Variants in SMARCB1 observed in about 807,000 individuals in gnomAD.
SMARCB1 encodes SWI/SNF related BAF chromatin remodeling complex subunit B1, also known as SWI/SNF-related matrix-associated actin-dependent regulator of chromatin subfamily B member 1.
Under a neutral mutation model 49.0 loss-of-function variants are expected in SMARCB1, and 5 were observed. The observed-to-expected ratio is 0.10, with a 90% CI of 0.05 to 0.21. SMARCB1 has a LOEUF of 0.21. SMARCB1 is among the 10% of genes least tolerant of loss of function. SMARCB1 has a pLI of 1.00. For synonymous variants in SMARCB1, 201 were observed against 200.1 expected (o/e 1.00, Z -0.04); for missense variants, 226 against 509.2 (o/e 0.44, Z 5.35).
intron 2 of SMARCB1, chr22:23,792,350 T>C: frequency 6.0e-6 from 2 of 334,960 alleles, no homozygotes; most frequent in Non-Finnish European, 1.2e-5. Context: ...GCCAGTGTGC[T>C]AGAGCCCATG....
chr22:23,787,355 C>A, intron 1 of SMARCB1, 93 bp downstream of exon 1: 4 of 585,858 alleles, frequency 6.8e-6, no homozygotes, highest in Non-Finnish European at 7.8e-6. Flanking sequence ...CTCCATTCAT[C>A]GGGGCGGGCG....
chr22:23,808,046 C>T (rs1417428992), intron 5 of SMARCB1, among the ~76,000 whole-genome samples: 4 of 151,168 alleles, frequency 2.6e-5, no homozygotes, highest in Admixed American at 6.6e-5. Context: ...AGCTCCGCCT[C>T]CCGGGTTCAT....
intron 8 of SMARCB1, among the ~76,000 whole-genome samples, 160 bp downstream of exon 8, chr22:23,833,863 A>G (rs1015557043): frequency 1.3e-5 from 2 of 152,122 alleles, no homozygotes; most frequent in Non-Finnish European, 2.9e-5. Context: ...GCCCCATCCA[A>G]ACGCCAGGGT....
chr22:23,789,239 G>A (rs745309994), intron 1 of SMARCB1, among the ~76,000 whole-genome samples: 35 of 152,182 alleles, frequency 2.3e-4, no homozygotes, highest in Non-Finnish European at 4.0e-4. Flanking sequence ...TGCCAGTGCT[G>A]GGGAGGTAGA....
chr22:23,795,356 T>TA (rs1194309662), intron 3 of SMARCB1, among the ~76,000 whole-genome samples: 2 of 151,530 alleles, frequency 1.3e-5, no homozygotes, highest in Non-Finnish European at 2.9e-5. Flanking sequence ...CTTTGTCTCT[T>TA]AAAAAAAATA....
intron 5 of SMARCB1, chr22:23,816,270 C>T (rs1930191303): frequency 4.5e-6 from 1 of 222,362 alleles, no homozygotes; most frequent in Admixed American, 5.2e-5. Flanking sequence ...ACGCTTGTGA[C>T]CTTGTTGAGG....
intron 5 of SMARCB1, among the ~76,000 whole-genome samples, chr22:23,807,378 G>A (rs1443777612): frequency 1.3e-5 from 2 of 152,146 alleles, no homozygotes; most frequent in African/African-American, 4.8e-5. Context: ...TACCCCGGGA[G>A]TTCAAGACCA....
chr22:23,822,949 C>T (rs1003207434), intron 6 of SMARCB1, among the ~76,000 whole-genome samples: 3 of 140,846 alleles, frequency 2.1e-5, no homozygotes, highest in African/African-American at 8.2e-5. Context: ...GTGCCCCCAC[C>T]AGCATAGCTT....
chr22:23,795,421 C>G (rs559261089), intron 3 of SMARCB1, among the ~76,000 whole-genome samples: 1 of 152,118 alleles, frequency 6.6e-6, no homozygotes, highest in Non-Finnish European at 1.5e-5. Flanking sequence ...TTTGGGAGGC[C>G]GAGGCGGGCG....
At chr22:23,796,092 C>T (rs1024729416) in intron 3 of SMARCB1, among the ~76,000 whole-genome samples, 15 of 152,076 alleles carry the variant, frequency 9.9e-5, no homozygotes, top group East Asian at 1.9e-4. Context: ...TGTGCCCAGC[C>T]GGGAGTGCCC....
chr22:23,826,744 G>A (rs545761722), intron 7 of SMARCB1, among the ~76,000 whole-genome samples: 16 of 152,366 alleles, frequency 1.1e-4, no homozygotes, highest in African/African-American at 3.8e-4. Flanking sequence ...CATCCCAAGA[G>A]ACAGCTTTCT....
Position 23,837,554 on chromosome 22 carries a change from TGAGGAGAACTCCAGCAAGGATGGGA to T in SMARCB1, c.*3379_*3403del. The T allele has an allele frequency of 8.4e-7, 1 of 1,196,226 alleles. No individual in the cohort carries two copies. The highest frequency in any genetic ancestry group is 1.2e-6 in the Non-Finnish European group (1 of 850,976). 74.1% of individuals were successfully genotyped at this position (1,196,226 alleles called of 1,614,324 possible). A position where few individuals can be genotyped will look rare whatever the true frequency, so the allele number is the denominator to read the frequency against. ...AGGAAGATGGGGATGGAGCCAGGTG[TGAGGAGAACTCCAGCAAGGATGGGA>T]GAGGGGCCCCAGGGCATAAGCAGCG... is the stretch of plus-strand genomic sequence containing the variant. On this transcript the variant is annotated 3_prime_UTR_variant, in exon 9 of 9. Transcript: ENST00000644036.
chr22:23,798,893 CA>C (rs1928940972), intron 3 of SMARCB1, among the ~76,000 whole-genome samples: 1 of 151,732 alleles, frequency 6.6e-6, no homozygotes, highest in East Asian at 1.9e-4. Context: ...TACTAAAAAT[CA>C]AAAAACTTAG....
At chr22:23,798,198 C>T (rs1007973664) in intron 3 of SMARCB1, among the ~76,000 whole-genome samples, 3 of 152,200 alleles carry the variant, frequency 2.0e-5, no homozygotes, top group Admixed American at 6.5e-5. Flanking sequence ...AAGAACACAT[C>T]TTCTTGGGCC....
rs1421529984 is a variant in SMARCB1, at chr22:23,787,060, C to T, written c.-110C>T. 4 of 719,976 alleles carry T rather than the reference C, an allele frequency of 5.6e-6. No individual in the cohort carries two copies. The highest frequency in any genetic ancestry group is 3.7e-5 in the African/African-American group (2 of 54,602). 44.6% of individuals were successfully genotyped at this position (719,976 alleles called of 1,614,324 possible). On this transcript the variant is annotated 5_prime_UTR_variant, in exon 1 of 9. Coordinates refer to ENST00000644036, the MANE Select transcript of SMARCB1 (RefSeq NM_003073.5). ...TGAGGCGCCAGTACCCGGCCCGGTC[C>T]GCATTTCGCCTTCCGGCTTCGGTTT...
rs146713537 is a variant in SMARCB1 at position 23,810,352 on chromosome 22, C to T, written c.629-6418C>T. 4.9e-3 allele frequency among the ~76,000 whole-genome samples: 735 copies of T among 150,738 alleles called. 20 individuals are homozygous for T. In the South Asian group the frequency reaches 0.082, roughly 17 times the overall value. ...CCAGCCTGACCAATATGGTGAAACCCCATCTCTACTAAAAATACAAAAACA... is the reference window on the plus strand; with the variant it reads ...CCAGCCTGACCAATATGGTGAAACCTCATCTCTACTAAAAATACAAAAACA... On this transcript the variant is annotated intron_variant, in intron 5 of 8. Coordinates refer to ENST00000644036, the MANE Select transcript of SMARCB1 (RefSeq NM_003073.5).
intron 7 of SMARCB1, among the ~76,000 whole-genome samples, chr22:23,827,607 G>A (rs1455282153): frequency 6.6e-6 from 1 of 152,152 alleles, no homozygotes; most frequent in African/African-American, 2.4e-5. Flanking sequence ...TCAAATCTTT[G>A]GGGTTAAAGG....
chr22:23,837,383 G>C lies in SMARCB1; in HGVS notation c.*3203G>C, dbSNP rs2031153511. 1 of 661,802 alleles carries C rather than the reference G, an allele frequency of 1.5e-6. No individual in the cohort carries two copies. The highest frequency in any genetic ancestry group is 2.6e-6 in the Non-Finnish European group (1 of 391,744). 41.0% of individuals were successfully genotyped at this position (661,802 alleles called of 1,614,324 possible). A position where few individuals can be genotyped will look rare whatever the true frequency, so the allele number is the denominator to read the frequency against. ...AGGGGAGGGCCTGAGAATAGTGGAG[G>C]AGTGGGAGCCATGGGGCAGGAACCC... is the stretch of plus-strand genomic sequence containing the variant. On this transcript the variant is annotated 3_prime_UTR_variant, in exon 9 of 9. Transcript: ENST00000644036.
chr22:23,805,679 ATTT>A (rs1444752675), intron 5 of SMARCB1, among the ~76,000 whole-genome samples: 1 of 151,972 alleles, frequency 6.6e-6, no homozygotes, highest in Non-Finnish European at 1.5e-5. Context: ...CTAATTTTGT[ATTT>A]TTAGTGGAGA....
Sources: gnomAD v4.1 joint callset for allele counts (sites outside exome capture counted in the v4.1 genomes callset) on GRCh38, gnomAD v4.1.1 for gene constraint, MANE v1.5 for transcripts, NCBI Gene and HGNC (gene_info 2026-07-23, HGNC 2026-07-21) for gene names.